The following NPEPL1 variants were observed in gnomAD, a reference collection of about 807,000 sequenced individuals.
The protein encoded by NPEPL1 is aminopeptidase like 1.
NPEPL1 carries 45 observed loss-of-function variants against 52.4 expected under a neutral mutation model. The ratio of observed to expected loss-of-function variants is 0.86; its 90% confidence interval spans 0.68 to 1.10. The LOEUF (loss-of-function observed/expected upper bound fraction) is 1.10. Among genes scored for constraint, NPEPL1 ranks in the 50% least tolerant of loss-of-function variants. The probability of loss-of-function intolerance (pLI) is 0.00; values close to 1 mark genes in which losing one functional copy is unlikely to be tolerated. For missense variants in NPEPL1, 696 were observed against 710.9 expected (o/e 0.98, Z 0.24); for synonymous variants, 360 against 314.7 (o/e 1.14, Z -1.52).
Position 58,712,577 on chromosome 20 carries a change from G to T in NPEPL1, c.999G>T (p.Gly333=). ...RPDDIHLLYS[G]KTVEINNTDA... Reference sequence around the variant, plus strand: ...ATGACATCCACCTGCTGTACTCAGGGAAGTACGTCTGGCCCTCCCACTCCT... The same window carrying T: ...ATGACATCCACCTGCTGTACTCAGGTAAGTACGTCTGGCCCTCCCACTCCT... Residue 333 remains glycine (G), a splice_region_variant and synonymous_variant, in exon 8 of 12, where the codon GGG becomes GGT. Coordinates refer to ENST00000356091, the MANE Select transcript of NPEPL1 (RefSeq NM_024663.4). The T allele has an allele frequency of 6.8e-6, 11 of 1,608,706 alleles. No homozygotes were observed. Among genetic ancestry groups the T allele is most frequent in the Non-Finnish European group, 8.5e-6 (10 of 1,175,272 alleles).
chr20:58,709,881 A>G (rs909102816), intron 7 of NPEPL1, among the ~76,000 whole-genome samples: 1 of 152,290 alleles, frequency 6.6e-6, no homozygotes, highest in East Asian at 1.9e-4. Context: ...TCTGATCTGG[A>G]CGTCTGAGGA....
At chr20:58,707,040 G>A (rs2084748370) in intron 6 of NPEPL1, 83 bp from the exon 7 acceptor site, 6 of 1,386,708 alleles carry the variant, frequency 4.3e-6, no homozygotes, top group Non-Finnish European at 5.0e-6. Context: ...CTAGCGTGGG[G>A]CCGGGTGGGG....
intron 4 of NPEPL1, 28 bp downstream of exon 4, chr20:58,698,801 G>A (rs774216630): frequency 1.9e-6 from 3 of 1,595,404 alleles, no homozygotes; most frequent in Non-Finnish European, 2.6e-6. Flanking sequence ...GCCGGGGGTG[G>A]GACCAGGCTG....
intron 1 of NPEPL1, 140 bp from the exon 2 acceptor site, chr20:58,693,597 A>T: frequency 1.4e-6 from 1 of 692,458 alleles, no homozygotes; most frequent in South Asian, 2.0e-5. Flanking sequence ...CTCCCTAAGG[A>T]TGGGAAAACG....
At chr20:58,692,120 C>T (rs1008639830), upstream of NPEPL1, 1 of 436,356 alleles carries the variant, frequency 2.3e-6, no homozygotes, top group Non-Finnish European at 4.1e-6. This position sits in a 1 kb window ranked among gnomAD's most constrained non-coding sequence, Gnocchi z 5.7. Flanking sequence ...AAGGGGTGGG[C>T]GGGAAGGCCC....
At chr20:58,695,490 C>T (rs573417865) in intron 3 of NPEPL1, among the ~76,000 whole-genome samples, 2 of 152,222 alleles carry the variant, frequency 1.3e-5, no homozygotes, top group Non-Finnish European at 2.9e-5. Context: ...CCTGTCCCCA[C>T]GGCAGCGGTC....
At chr20:58,692,680 GGGCCTGCCCGCACCCTTCCGCCC>G, upstream of NPEPL1, 13 of 372,576 alleles carry the variant, frequency 3.5e-5, no homozygotes, top group Non-Finnish European at 4.4e-5. The surrounding 1 kb of genome is among the most constrained non-coding windows in gnomAD (Gnocchi z 5.7). Context: ...CTGCCCGGCC[GGGCCTGCCCGCACCCTTCCGCCC>G]GGCCTGGCCG....
intron 1 of NPEPL1, 55 bp downstream of exon 1, chr20:58,693,105 CGGCCCGCGGA>C (rs985231231): frequency 3.3e-5 from 32 of 984,392 alleles, no homozygotes; most frequent in Non-Finnish European, 3.9e-5. Context: ...CAGGCCCGGG[CGGCCCGCGGA>C]GGCCCCGCCT....
At chr20:58,693,439 C>A in intron 1 of NPEPL1, 1 of 320,156 alleles carries the variant, frequency 3.1e-6, no homozygotes, top group East Asian at 4.9e-5. Context: ...GGCCCCTGCC[C>A]CCTCTCTGGT....
chr20:58,699,621 T>TA (rs2084570825), intron 5 of NPEPL1, among the ~76,000 whole-genome samples: 1 of 152,220 alleles, frequency 6.6e-6, no homozygotes, highest in South Asian at 2.1e-4. Context: ...CAAGTTCCCA[T>TA]CACGGCAGGC....
At chr20:58,694,694 GGGTTCCTGCCCTTCCCAGGAGCTTT>G in intron 3 of NPEPL1, 102 bp downstream of exon 3, 1 of 1,238,540 alleles carries the variant, frequency 8.1e-7, no homozygotes. Context: ...GGGCAGGAGG[GGGTTCCTGCCCTTCCCAGGAGCTTT>G]GGTTCCTGGG....
upstream of NPEPL1, chr20:58,692,351 C>A (rs546676176): frequency 1.9e-3 from 297 of 155,392 alleles, 4 homozygotes; most frequent in Middle Eastern, 0.026. This position sits in a 1 kb window ranked among gnomAD's most constrained non-coding sequence, Gnocchi z 5.7. Context: ...GACTCAGGTC[C>A]AAGAGTCACT....
upstream of NPEPL1, chr20:58,691,698 T>C (rs748390245): frequency 1.1e-3 from 266 of 242,212 alleles, no homozygotes; most frequent in East Asian, 1.9e-3. Context: ...CTTTTCTTTT[T>C]TTTTTTTTTT....
intron 6 of NPEPL1, chr20:58,703,469 G>A (rs944636720): frequency 2.1e-5 from 21 of 978,222 alleles, no homozygotes; most frequent in East Asian, 1.1e-4. Context: ...TCCCACCCTC[G>A]CACGCACCCT....
intron 5 of NPEPL1, among the ~76,000 whole-genome samples, chr20:58,699,550 C>T (rs1428936371): frequency 2.0e-5 from 3 of 152,220 alleles, no homozygotes; most frequent in African/African-American, 7.2e-5. Flanking sequence ...AGCGTCCTCG[C>T]GTGCTGCACA....
At chr20:58,707,316 A>T (rs1664740869) in intron 7 of NPEPL1, 116 bp downstream of exon 7, 1 of 964,632 alleles carries the variant, frequency 1.0e-6, no homozygotes, top group Non-Finnish European at 1.5e-6. Flanking sequence ...GAGTCTCCCC[A>T]GCGGATGCTT....
At chr20:58,705,519 T>C (rs6100174) in intron 6 of NPEPL1, 279,766 of 456,020 alleles carry the variant, frequency 0.61, 89,303 homozygotes, top group African/African-American at 0.88. Flanking sequence ...ACGAATACAG[T>C]GGCTCCCGGA....
At chr20:58,701,351 G>A (rs192319255) in intron 6 of NPEPL1, among the ~76,000 whole-genome samples, 193 bp downstream of exon 6, 1,347 of 132,346 alleles carry the variant, frequency 0.01, 74 homozygotes, top group African/African-American at 0.04. Context: ...GTGAGGTGCC[G>A]GCAGGCTCTC....
chr20:58,714,514 C>G, intron 10 of NPEPL1, 46 bp from the exon 11 acceptor site: 1 of 1,419,774 alleles, frequency 7.0e-7, no homozygotes, highest in African/African-American at 1.4e-5. Context: ...TGGAGAGGGC[C>G]CGGCCGGAGC....
Sources: gnomAD v4.1 joint callset for allele counts (sites outside exome capture counted in the v4.1 genomes callset) on GRCh38, gnomAD v4.1.1 for gene constraint, Gnocchi (gnomAD v3.1) non-coding constraint, MANE v1.5 for transcripts, NCBI Gene and HGNC (gene_info 2026-07-23, HGNC 2026-07-21) for gene names.